Variants in AKAP8L observed in about 807,000 individuals in gnomAD.
The protein encoded by AKAP8L is A-kinase anchor protein 8-like.
A neutral mutation model predicts 77.5 loss-of-function variants in AKAP8L; 34 were observed. That is an observed-to-expected ratio of 0.44 (90% CI 0.33 to 0.58). The LOEUF (loss-of-function observed/expected upper bound fraction) is 0.58, where lower values mean the gene tolerates loss of function less well. Among genes scored for constraint, AKAP8L ranks in the 20% least tolerant of loss-of-function variants. The pLI is 0.02. For missense variants in AKAP8L, 806 were observed against 887.6 expected (o/e 0.91, Z 1.17); for synonymous variants, 342 against 340.7 (o/e 1.00, Z -0.04).
chr19:15,413,292 T>C (rs988900001), intron 1 of AKAP8L, among the ~76,000 whole-genome samples: 2 of 152,252 alleles, frequency 1.3e-5, no homozygotes, highest in Admixed American at 1.3e-4. Context: ...ATTTATAATC[T>C]TTCTTTGTCC....
chr19:15,416,072 C>T (rs548495232), intron 1 of AKAP8L, among the ~76,000 whole-genome samples: 2 of 152,084 alleles, frequency 1.3e-5, no homozygotes, highest in African/African-American at 4.8e-5. Flanking sequence ...AGCAATCTTC[C>T]TGCCTCGGCC....
At chr19:15,405,616 G>A (rs1021858013) in intron 2 of AKAP8L, among the ~76,000 whole-genome samples, 14 of 152,034 alleles carry the variant, frequency 9.2e-5, no homozygotes, top group Non-Finnish European at 1.6e-4. Flanking sequence ...GGGACAGTGG[G>A]CACTAGCTAT....
intron 12 of AKAP8L, among the ~76,000 whole-genome samples, chr19:15,395,130 C>G (rs1414993397): frequency 6.6e-6 from 1 of 151,540 alleles, no homozygotes; most frequent in Non-Finnish European, 1.5e-5. Context: ...CCTGGGTTCA[C>G]GCCATTCTCC....
chr19:15,391,209 C>T (rs1967651507), intron 12 of AKAP8L, among the ~76,000 whole-genome samples: 1 of 151,948 alleles, frequency 6.6e-6, no homozygotes, highest in South Asian at 2.1e-4. Flanking sequence ...GCCTGTAATC[C>T]CAGCACTTTG....
In AKAP8L at chr19:15,403,969, A is replaced by G; in HGVS notation, c.121+41T>C. ...GTGGCAGAGAAACACAGCCAGGACA[A>G]CCCCAAGGGACAGGACAGCAATCAC... is the stretch of plus-strand genomic sequence containing the variant. On this transcript the variant is annotated intron_variant, in intron 3 of 13. Coordinates refer to ENST00000397410, the MANE Select transcript of AKAP8L (RefSeq NM_014371.4). This position sits in a 1 kb window ranked among gnomAD's most constrained non-coding sequence, Gnocchi z 4.3. The G allele has an allele frequency of 1.9e-6, 3 of 1,611,508 alleles. No individual in the cohort carries two copies. The South Asian group carries it at 3.3e-5, about 18-fold the overall frequency.
Position 15,403,441 on chromosome 19 carries a change from CAG to C in AKAP8L, c.362+32_362+33del, listed in dbSNP as rs766788486. 5 of 1,608,084 alleles carry C rather than the reference CAG, an allele frequency of 3.1e-6. No homozygotes were observed. In the South Asian group the frequency reaches 4.4e-5, roughly 14 times the overall value. On this transcript the variant is annotated intron_variant, in intron 4 of 13. Transcript: ENST00000397410. The surrounding 1 kb of genome is among the most constrained non-coding windows in gnomAD (Gnocchi z 4.3). ...GGGCAGCAGGCAGGAGCCGCCCCTG[CAG>C]AGTCTCAACCCCTAGGCAGGTGTCC... is the stretch of plus-strand genomic sequence containing the variant.
In AKAP8L at chr19:15,397,911, T is replaced by C. The variant is rs1376370759; in HGVS notation, c.1158-56A>G. ...CTGCAAGTGTCCCAGGGGATAGTGC[T>C]GCCGCCTCACCCAACCCAGACACAA... On this transcript the variant is annotated intron_variant, in intron 9 of 13. Coordinates refer to ENST00000397410, the MANE Select transcript of AKAP8L (RefSeq NM_014371.4). This position sits in a 1 kb window ranked among gnomAD's most constrained non-coding sequence, Gnocchi z 4.7. 6.3e-6 allele frequency: 10 copies of C among 1,580,874 alleles called. No individual in the cohort carries two copies. The highest frequency in any genetic ancestry group is 6.9e-6 in the Non-Finnish European group (8 of 1,163,786).
chr19:15,384,173 C>T (rs1967477568), intron 12 of AKAP8L, among the ~76,000 whole-genome samples: 1 of 151,586 alleles, frequency 6.6e-6, no homozygotes, highest in Non-Finnish European at 1.5e-5. Context: ...CCTAGTGATT[C>T]ACCTGCCTCC....
At chr19:15,409,947 G>A (rs1599619258) in intron 2 of AKAP8L, among the ~76,000 whole-genome samples, 2 of 150,972 alleles carry the variant, frequency 1.3e-5, no homozygotes, top group East Asian at 3.9e-4. Context: ...CAATCCTTTG[G>A]ACTTTTTTTT....
At chr19:15,388,467 T>A (rs1967586723) in intron 12 of AKAP8L, among the ~76,000 whole-genome samples, 1 of 151,938 alleles carries the variant, frequency 6.6e-6, no homozygotes. Flanking sequence ...TAAAGAAAAC[T>A]CAAGTAGAAG....
At chr19:15,393,828 G>A (rs747055310) in intron 12 of AKAP8L, among the ~76,000 whole-genome samples, 22 of 151,516 alleles carry the variant, frequency 1.5e-4, no homozygotes, top group Non-Finnish European at 2.4e-4. Flanking sequence ...GCTTGGACCC[G>A]GGAGGCAGAG....
At chr19:15,416,297 C>T (rs1456013094) in intron 1 of AKAP8L, among the ~76,000 whole-genome samples, 2 of 152,304 alleles carry the variant, frequency 1.3e-5, no homozygotes, top group African/African-American at 4.8e-5. Context: ...ATGTAGATCC[C>T]TCCCAACTAA....
rs747494504 is a variant in AKAP8L at position 15,401,554 on chromosome 19, C to T, written c.412G>A (p.Asp138Asn). ...TAGTCATAGCCTGACCGGTACAGGT[C>T]GCGCTCACTCAGGACGGCCCTCGAG... ...CDSRAVLSER[D>N]LYRSGYDYSE... is the part of the protein sequence containing the mutation. The change falls in exon 5 of 14, where the codon GAC (aspartate) becomes AAC (asparagine). Residue 138 changes from aspartate to asparagine, a missense_variant. Transcript: ENST00000397410. This position sits in a 1 kb window ranked among gnomAD's most constrained non-coding sequence, Gnocchi z 6.2. The T allele has an allele frequency of 2.3e-5, 37 of 1,612,748 alleles. No homozygotes were observed. Among genetic ancestry groups the T allele is most frequent in the Non-Finnish European group, 3.0e-5 (35 of 1,179,600 alleles).
At chr19:15,396,007 C>T (rs1169385934) in intron 12 of AKAP8L, among the ~76,000 whole-genome samples, 18 of 83,250 alleles carry the variant, frequency 2.2e-4, no homozygotes, top group Non-Finnish European at 2.7e-4. Flanking sequence ...AAAAAAGAAT[C>T]TGTTTTTGGC....
intron 12 of AKAP8L, among the ~76,000 whole-genome samples, chr19:15,395,914 G>A (rs1967762092): frequency 7.4e-6 from 1 of 135,918 alleles, no homozygotes; most frequent in African/African-American, 2.8e-5. Context: ...AACCCGGGAG[G>A]CGGAGCTTGC....
chr19:15,381,366 G>C (rs1016781055), intron 12 of AKAP8L, among the ~76,000 whole-genome samples: 1 of 152,290 alleles, frequency 6.6e-6, no homozygotes, highest in South Asian at 2.1e-4. Flanking sequence ...TCTCTGCACT[G>C]GCATAAGAAA....
At chr19:15,382,622 CA>C (rs1299370847) in intron 12 of AKAP8L, among the ~76,000 whole-genome samples, 1 of 152,166 alleles carries the variant, frequency 6.6e-6, no homozygotes, top group African/African-American at 2.4e-5. Context: ...TCCAAAAACC[CA>C]AAATCTGAAA....
rs1277316424 is a variant in AKAP8L at position 15,400,947 on chromosome 19, C to A, written c.913G>T (p.Asp305Tyr). 2 of 1,613,974 alleles carry A rather than the reference C, an allele frequency of 1.2e-6. No individual in the cohort carries two copies. The highest frequency in any genetic ancestry group is 3.3e-5 in the Admixed American group (2 of 60,014). Reference sequence around the variant, plus strand: ...GCCCAGTACCACCTAGTGGGCTCACCATTGTCTGAGTCGCTGTTGTCCGAG... The same window carrying A: ...GCCCAGTACCACCTAGTGGGCTCACAATTGTCTGAGTCGCTGTTGTCCGAG... ...DCSDNSDSDNDEGTEGEATEG... is the reference protein window; with the variant it reads ...DCSDNSDSDNYEGTEGEATEG... Residue 305 changes from aspartate to tyrosine, a missense_variant and splice_region_variant, in exon 6 of 14, where the codon GAT (aspartate) becomes TAT (tyrosine). Around this residue, in one of 2 missense-constraint regions of AKAP8L, gnomAD observed 580 missense variants for 694.1 expected, o/e 0.84. Coordinates refer to ENST00000397410, the MANE Select transcript of AKAP8L (RefSeq NM_014371.4).
At position 15,397,684 on chromosome 19, in the gene AKAP8L, T is replaced by C. The variant is rs769298633; in HGVS notation, c.1299+30A>G. ...TTATGTTCTCAGGGGTCCAAGAAAC[T>C]AAGAGCGGCTGTGTTACTCCAAGGC... On this transcript the variant is annotated intron_variant, in intron 10 of 13. Transcript: ENST00000397410. This position sits in a 1 kb window ranked among gnomAD's most constrained non-coding sequence, Gnocchi z 4.7. 6 of 1,613,826 alleles carry C rather than the reference T, an allele frequency of 3.7e-6. No individual in the cohort carries two copies. The highest frequency in any genetic ancestry group is 2.2e-5 in the South Asian group (2 of 91,088).
Sources: gnomAD v4.1 joint callset for allele counts (sites outside exome capture counted in the v4.1 genomes callset) on GRCh38, gnomAD v4.1.1 for gene constraint, gnomAD v4.1.1 regional missense constraint, Gnocchi (gnomAD v3.1) non-coding constraint, MANE v1.5 for transcripts, NCBI Gene and HGNC (gene_info 2026-07-23, HGNC 2026-07-21) for gene names.